Variants in CACNA1H observed in about 807,000 individuals in gnomAD.
The protein encoded by CACNA1H is voltage-dependent T-type calcium channel subunit alpha-1H.
Under a neutral mutation model 192.5 loss-of-function variants are expected in CACNA1H, and 149 were observed. The observed-to-expected ratio is 0.77, with a 90% CI of 0.68 to 0.89. The LOEUF (loss-of-function observed/expected upper bound fraction) is 0.89, where lower values mean the gene tolerates loss of function less well. CACNA1H is among the 40% of genes least tolerant of loss of function. CACNA1H has a pLI of 0.00. For synonymous variants in CACNA1H, 2,202 were observed against 1,475.2 expected (o/e 1.49, Z -11.29); for missense variants, 4,257 against 3,423.5 (o/e 1.24, Z -6.08).
chr16:1,209,341 C>T lies in CACNA1H; in HGVS notation c.3673C>T (p.Pro1225Ser), dbSNP rs1398460250. The T allele has an allele frequency of 6.3e-7, 1 of 1,597,978 alleles. No homozygotes were observed. Among genetic ancestry groups the T allele is most frequent in the Non-Finnish European group, 8.5e-7 (1 of 1,179,488 alleles). Residue 1225 changes from proline (P) to serine (S), a missense_variant, in exon 17 of 35, where the codon CCC becomes TCC. Pro to Ser is a moderately conservative substitution (Grantham distance 74, BLOSUM62 -1). Transcript: ENST00000348261. ...RDRDGQVVAL[P>S]SDFFLRIDSH... ...TCGCGACGGGCAGGTGGTGGCCCTGCCCAGCGACTTCTTCCTGCGCATCGA... is the reference window on the plus strand; with the variant it reads ...TCGCGACGGGCAGGTGGTGGCCCTGTCCAGCGACTTCTTCCTGCGCATCGA...
intron 18 of CACNA1H, 75 bp from the exon 19 acceptor site, chr16:1,210,295 G>A: frequency 2.2e-6 from 3 of 1,356,928 alleles, no homozygotes; most frequent in South Asian, 2.5e-5. Context: ...CGTGGCCAGG[G>A]CTGTCCTGCA....
chr16:1,212,312 G>A, intron 25 of CACNA1H, 174 bp downstream of exon 25: 1 of 1,167,146 alleles, frequency 8.6e-7, no homozygotes. Context: ...AGGGCCGTCG[G>A]GGAGCCCGCC....
Position 1,205,234 on chromosome 16 carries a change from A to G in CACNA1H, c.2572A>G (p.Asn858Asp). Residue 858 changes from asparagine to aspartate, a missense_variant, in exon 11 of 35, where the codon AAC (asparagine) becomes GAC (aspartate). By Grantham distance (23) the Asn-to-Asp change is conservative. Transcript: ENST00000348261. ...TCTGGGCTACATCCGGAACCCGTAC[A>G]ACATCTTCGACGGCATCATCGTGGT... The part of the protein sequence containing the change: ...GPLGYIRNPY[N>D]IFDGIIVVIS... 6.2e-7 allele frequency: 1 copy of G among 1,611,664 alleles called. No homozygotes were observed. Among genetic ancestry groups the G allele is most frequent in the East Asian group, 2.2e-5 (1 of 44,830 alleles).
At chr16:1,170,706 G>A (rs1160934661) in intron 2 of CACNA1H, among the ~76,000 whole-genome samples, 2 of 152,162 alleles carry the variant, frequency 1.3e-5, no homozygotes, top group Non-Finnish European at 2.9e-5. Context: ...GGATTTCGGG[G>A]TGAGGGAAGC....
chr16:1,202,481 A>C, intron 9 of CACNA1H, 29 bp downstream of exon 9: 1 of 1,457,400 alleles, frequency 6.9e-7, no homozygotes, highest in Non-Finnish European at 9.1e-7. Flanking sequence ...CCCACGGAGG[A>C]GGCGGTGGGA....
intron 11 of CACNA1H, among the ~76,000 whole-genome samples, chr16:1,205,504 C>T (rs904240939): frequency 1.2e-4 from 19 of 152,234 alleles, no homozygotes; most frequent in Non-Finnish European, 5.9e-5. Context: ...CCTGTTAGGT[C>T]AGCTGCGTCT....
intron 11 of CACNA1H, 127 bp downstream of exon 11, chr16:1,205,392 T>TG: frequency 9.4e-7 from 1 of 1,066,084 alleles, no homozygotes; most frequent in Non-Finnish European, 1.3e-6. Flanking sequence ...TGACAGGCCG[T>TG]GGGAAGCAGG....
chr16:1,170,979 C>T (rs932598422), intron 2 of CACNA1H, among the ~76,000 whole-genome samples: 10 of 152,056 alleles, frequency 6.6e-5, no homozygotes, highest in Non-Finnish European at 1.0e-4. Flanking sequence ...CAGGTACAGC[C>T]AGGTGTCAGG....
intron 5 of CACNA1H, among the ~76,000 whole-genome samples, chr16:1,197,070 A>C (rs1000049292): frequency 1.3e-5 from 2 of 152,074 alleles, no homozygotes; most frequent in African/African-American, 4.8e-5. Flanking sequence ...ACTCCTTCCC[A>C]TGGGGCCTCT....
In CACNA1H at chr16:1,195,103, G is replaced by A. The variant is rs748098764; in HGVS notation, c.411+20G>A. On this transcript the variant is annotated intron_variant, in intron 3 of 34. Transcript: ENST00000348261. ...CTGGAGGTGAGGGGCGTGGGTCGGGGTGGGGAAGGAGCGTGGGTCGCTACG... is the reference window on the plus strand; with the variant it reads ...CTGGAGGTGAGGGGCGTGGGTCGGGATGGGGAAGGAGCGTGGGTCGCTACG... 2.0e-6 allele frequency: 3 copies of A among 1,527,374 alleles called. No homozygotes were observed. Among genetic ancestry groups the A allele is most frequent in the Admixed American group, 3.4e-5 (2 of 59,436 alleles). 94.6% of individuals were successfully genotyped at this position (1,527,374 alleles called of 1,614,324 possible).
intron 2 of CACNA1H, among the ~76,000 whole-genome samples, chr16:1,191,147 C>T (rs1341298389): frequency 3.2e-5 from 3 of 93,672 alleles, no homozygotes; most frequent in Non-Finnish European, 4.0e-5. Context: ...CTCTCTGACT[C>T]AGCAGGCTGG....
chr16:1,215,891 G>T (rs71380250), intron 30 of CACNA1H, among the ~76,000 whole-genome samples: 1 of 152,266 alleles, frequency 6.6e-6, no homozygotes, highest in African/African-American at 2.4e-5. Flanking sequence ...AGGGCAGCAG[G>T]TGGCCAAGGT....
chr16:1,201,989 G>C lies in CACNA1H; in HGVS notation c.1539G>C (p.Ser513=). 1 of 1,540,604 alleles carries C rather than the reference G, an allele frequency of 6.5e-7. No individual in the cohort carries two copies. The highest frequency in any genetic ancestry group is 1.2e-5 in the South Asian group (1 of 83,904). ...GCCGGGCAGGCAGGCACACAGCCTC[G>C]GTGCACCACCTGGTCTACCACCACC... ...RQRRAGRHTA[S]VHHLVYHHHH... The change falls in exon 9 of 35, where the codon TCG becomes TCC. Residue 513 remains serine, a synonymous_variant. Transcript: ENST00000348261.
chr16:1,189,305 G>A (rs1966369555), intron 2 of CACNA1H, among the ~76,000 whole-genome samples: 1 of 150,258 alleles, frequency 6.7e-6, no homozygotes, highest in Non-Finnish European at 1.5e-5. Flanking sequence ...CTTAGCACCT[G>A]CCCAGCCCCT....
intron 2 of CACNA1H, among the ~76,000 whole-genome samples, chr16:1,173,229 A>C (rs531083124): frequency 6.6e-6 from 1 of 152,200 alleles, no homozygotes; most frequent in East Asian, 1.9e-4. Context: ...GCTGGTGGCC[A>C]GGCAGGGAGG....
intron 31 of CACNA1H, 150 bp downstream of exon 31, chr16:1,217,160 T>G: frequency 1.5e-6 from 1 of 666,466 alleles, no homozygotes; most frequent in Non-Finnish European, 2.5e-6. Flanking sequence ...CCGGCCCTGC[T>G]TCCGGAGCCT....
chr16:1,213,723 G>T (rs908478639), intron 26 of CACNA1H, 57 bp from the exon 27 acceptor site: 8 of 1,383,582 alleles, frequency 5.8e-6, no homozygotes, highest in Non-Finnish European at 7.6e-6. Flanking sequence ...GAGTCTGCAG[G>T]AGCCAGGAGC....
chr16:1,185,651 G>A lies in CACNA1H; in HGVS notation c.300-9321G>A, dbSNP rs865783724. Among the ~76,000 whole-genome samples, 114 of 47,070 alleles carry A rather than the reference G, an allele frequency of 2.4e-3. 2 individuals carry two copies. Among genetic ancestry groups the A allele is most frequent in the Middle Eastern group, 0.031 (1 of 32 alleles). 30.9% of individuals were successfully genotyped at this position (47,070 alleles called of 152,430 possible). A position where few individuals can be genotyped will look rare whatever the true frequency, so the allele number is the denominator to read the frequency against. ...GTGGGGGGCGGGCGAGTAGACGGTCGGCATGCATAGGGGCCGGAGGCGGGG... is the reference window on the plus strand; with the variant it reads ...GTGGGGGGCGGGCGAGTAGACGGTCAGCATGCATAGGGGCCGGAGGCGGGG... On this transcript the variant is annotated intron_variant, in intron 2 of 34. Transcript: ENST00000348261.
In CACNA1H at chr16:1,199,478, C is replaced by T. The variant is rs1354509593; in HGVS notation, c.803+704C>T. ...ATATGCCCCACCCCCATCATGGCTC[C>T]ACCCACCGTGCGGTCATTGCACATA... On this transcript the variant is annotated intron_variant, in intron 6 of 34. Coordinates refer to ENST00000348261, the MANE Select transcript of CACNA1H (RefSeq NM_021098.3). 7.0e-5 allele frequency among the ~76,000 whole-genome samples: 8 copies of T among 113,788 alleles called. 1 individual carries two copies. The highest frequency in any genetic ancestry group is 1.6e-4 in the Non-Finnish European group (8 of 50,618). 74.6% of individuals were successfully genotyped at this position (113,788 alleles called of 152,430 possible). A position where few individuals can be genotyped will look rare whatever the true frequency, so the allele number is the denominator to read the frequency against.
Sources: gnomAD v4.1 joint callset for allele counts (sites outside exome capture counted in the v4.1 genomes callset) on GRCh38, gnomAD v4.1.1 for gene constraint, MANE v1.5 for transcripts, NCBI Gene and HGNC (gene_info 2026-07-23, HGNC 2026-07-21) for gene names.